SYNDIG1: variants seen among roughly 807,000 people sequenced by gnomAD.
SYNDIG1 encodes synapse differentiation inducing 1, also known as synapse differentiation-inducing gene protein 1.
SYNDIG1 carries 9 observed loss-of-function variants against 19.4 expected under a neutral mutation model. That is an observed-to-expected ratio of 0.46 (90% CI 0.28 to 0.81). The LOEUF (loss-of-function observed/expected upper bound fraction) is 0.81. Among genes scored for constraint, SYNDIG1 ranks in the 30% least tolerant of loss-of-function variants. The pLI is 0.12. For synonymous variants in SYNDIG1, 141 were observed against 145.9 expected (o/e 0.97, Z 0.24); for missense variants, 311 against 343.3 (o/e 0.91, Z 0.74).
intron 3 of SYNDIG1, among the ~76,000 whole-genome samples, chr20:24,600,322 C>T (rs1022949026): frequency 1.3e-5 from 2 of 152,080 alleles, no homozygotes; most frequent in East Asian, 1.9e-4. Flanking sequence ...TCAAACCTTT[C>T]CTAGTTTGAA....
At chr20:24,568,778 G>C (rs1040784564) in intron 2 of SYNDIG1, among the ~76,000 whole-genome samples, 1 of 152,208 alleles carries the variant, frequency 6.6e-6, no homozygotes, top group Non-Finnish European at 1.5e-5. Context: ...AATTAGGGCC[G>C]AAGAAAGGCA....
intron 2 of SYNDIG1, among the ~76,000 whole-genome samples, chr20:24,582,307 C>T (rs530451510): frequency 8.6e-6 from 1 of 116,710 alleles, no homozygotes; most frequent in Non-Finnish European, 1.8e-5. Context: ...CCCCATTGCA[C>T]GCCCTCCCCT....
intron 3 of SYNDIG1, among the ~76,000 whole-genome samples, chr20:24,593,710 G>T (rs1415801851): frequency 6.6e-6 from 1 of 151,940 alleles, no homozygotes; most frequent in Non-Finnish European, 1.5e-5. Context: ...GTTATTTTTT[G>T]ACATTTTAAT....
chr20:24,623,956 G>A (rs1568693672), intron 3 of SYNDIG1, among the ~76,000 whole-genome samples: 1 of 152,134 alleles, frequency 6.6e-6, no homozygotes, highest in Admixed American at 6.5e-5. Context: ...CTGTCAAACT[G>A]GAGTTTTAAA....
At chr20:24,575,433 T>C (rs186107291) in intron 2 of SYNDIG1, among the ~76,000 whole-genome samples, 1 of 152,178 alleles carries the variant, frequency 6.6e-6, no homozygotes, top group African/African-American at 2.4e-5. Context: ...TTTGCAAGCA[T>C]CTACTCTGGC....
intron 3 of SYNDIG1, among the ~76,000 whole-genome samples, chr20:24,625,551 G>A (rs894633432): frequency 3.3e-5 from 5 of 151,936 alleles, no homozygotes; most frequent in African/African-American, 1.2e-4. Flanking sequence ...TGAGATTAGG[G>A]AGTGATGATG....
Position 24,543,235 on chromosome 20 carries a change from C to T in SYNDIG1, c.138C>T (p.Pro46=), listed in dbSNP as rs547103154. 29 of 1,613,856 alleles carry T rather than the reference C, an allele frequency of 1.8e-5. No homozygotes were observed. The East Asian group carries it at 5.3e-4, about 30-fold the overall frequency. Reference sequence around the variant, plus strand: ...GTCTGGTGTCTGTTTACCCAGCGCCCCAGTACCAGAGCCACCGGGTGGGGG... The same window carrying T: ...GTCTGGTGTCTGTTTACCCAGCGCCTCAGTACCAGAGCCACCGGGTGGGGG... ...RDGLVSVYPA[P]QYQSHRVGAS... is the part of the protein sequence containing the mutation. The change falls in exon 2 of 4, where the codon CCC becomes CCT. Residue 46 remains proline (P), a synonymous_variant. Coordinates refer to ENST00000376862, the MANE Select transcript of SYNDIG1 (RefSeq NM_024893.3).
At chr20:24,485,989 T>C (rs1486076892) in intron 1 of SYNDIG1, among the ~76,000 whole-genome samples, 2 of 151,958 alleles carry the variant, frequency 1.3e-5, no homozygotes, top group African/African-American at 4.8e-5. Context: ...AAGTATGGGG[T>C]ACAATTGAGG....
intron 3 of SYNDIG1, among the ~76,000 whole-genome samples, chr20:24,610,159 T>C (rs1237349154): frequency 6.6e-6 from 1 of 152,222 alleles, no homozygotes; most frequent in East Asian, 1.9e-4. Flanking sequence ...CTCACCCAGC[T>C]AATTTTAGAC....
chr20:24,629,789 A>G (rs937701473), intron 3 of SYNDIG1, among the ~76,000 whole-genome samples: 1 of 152,232 alleles, frequency 6.6e-6, no homozygotes, highest in African/African-American at 2.4e-5. Flanking sequence ...TTGTGAAATC[A>G]TTTTGCAGCA....
At chr20:24,524,312 C>G (rs2057069095) in intron 1 of SYNDIG1, among the ~76,000 whole-genome samples, 1 of 152,132 alleles carries the variant, frequency 6.6e-6, no homozygotes, top group African/African-American at 2.4e-5. Context: ...TTCTTCTCGC[C>G]TTTGGTTAGA....
In SYNDIG1 at chr20:24,658,789, G is replaced by C. The variant is rs900570993; in HGVS notation, c.619-6557G>C. Among the ~76,000 whole-genome samples, 1 of 152,110 alleles carries C rather than the reference G, an allele frequency of 6.6e-6. No individual in the cohort carries two copies. Among genetic ancestry groups the C allele is most frequent in the Non-Finnish European group, 1.5e-5 (1 of 68,028 alleles). ...TTCTCCCAGCGGGGTCGTCTGCCTC[G>C]TTTTCTCCCAGATCCATGCTGTCCA... On this transcript the variant is annotated intron_variant, in intron 3 of 3. Transcript: ENST00000376862. This position sits in a 1 kb window ranked among gnomAD's most constrained non-coding sequence, Gnocchi z 4.4.
chr20:24,528,316 G>A (rs545329234), intron 1 of SYNDIG1, among the ~76,000 whole-genome samples: 3 of 151,824 alleles, frequency 2.0e-5, no homozygotes, highest in South Asian at 2.1e-4. Context: ...TACATTCACT[G>A]TGGGCCAGAT....
Position 24,521,844 on chromosome 20 carries a change from G to A in SYNDIG1, c.-78-21176G>A, listed in dbSNP as rs797001136. 1.5e-4 allele frequency among the ~76,000 whole-genome samples: 23 copies of A among 149,528 alleles called. 1 individual carries two copies. The highest frequency in any genetic ancestry group is 5.7e-4 in the African/African-American group (23 of 40,680). On this transcript the variant is annotated intron_variant, in intron 1 of 3. Transcript: ENST00000376862. Reference sequence around the variant, plus strand: ...GAACCCAGGAGGCAGAGGTTGTAGTGAGCCAAGATTGCGCCACTGCACTCC... The same window carrying A: ...GAACCCAGGAGGCAGAGGTTGTAGTAAGCCAAGATTGCGCCACTGCACTCC...
At chr20:24,638,029 G>T (rs558661090) in intron 3 of SYNDIG1, among the ~76,000 whole-genome samples, 4 of 152,238 alleles carry the variant, frequency 2.6e-5, no homozygotes, top group African/African-American at 9.6e-5. Flanking sequence ...TCCAGTGTCC[G>T]AGAGAGTGTT....
intron 3 of SYNDIG1, among the ~76,000 whole-genome samples, chr20:24,615,787 C>G (rs890968888): frequency 1.3e-5 from 2 of 152,066 alleles, no homozygotes; most frequent in Non-Finnish European, 2.9e-5. Context: ...CCTCCTGCAG[C>G]TCAGAGAACA....
chr20:24,540,785 G>A (rs750655678), intron 1 of SYNDIG1, among the ~76,000 whole-genome samples: 15 of 151,990 alleles, frequency 9.9e-5, no homozygotes, highest in Non-Finnish European at 1.6e-4. Flanking sequence ...TTAATATGCC[G>A]CTTAATTCAG....
At chr20:24,533,119 T>C (rs2057295224) in intron 1 of SYNDIG1, among the ~76,000 whole-genome samples, 1 of 152,182 alleles carries the variant, frequency 6.6e-6, no homozygotes, top group Admixed American at 6.5e-5. Context: ...CATTGAGCAC[T>C]GAGGAGTCAT....
chr20:24,488,662 G>A (rs756719243), intron 1 of SYNDIG1, among the ~76,000 whole-genome samples: 14 of 152,220 alleles, frequency 9.2e-5, no homozygotes, highest in African/African-American at 2.9e-4. Flanking sequence ...GTGAGTCCTC[G>A]TTTGTTCAGC....
Sources: gnomAD v4.1 joint callset for allele counts (sites outside exome capture counted in the v4.1 genomes callset) on GRCh38, gnomAD v4.1.1 for gene constraint, Gnocchi (gnomAD v3.1) non-coding constraint, MANE v1.5 for transcripts, NCBI Gene and HGNC (gene_info 2026-07-23, HGNC 2026-07-21) for gene names.